Variants in GMDS observed in about 807,000 individuals in gnomAD.
GMDS encodes GDP-mannose 4,6 dehydratase.
A neutral mutation model predicts 49.9 loss-of-function variants in GMDS; 20 were observed. The observed-to-expected ratio is 0.40, with a 90% CI of 0.28 to 0.58. The LOEUF (loss-of-function observed/expected upper bound fraction) is 0.58. Ranked by LOEUF, GMDS falls within the 20% of genes least tolerant of loss-of-function variation. GMDS has a pLI of 0.42. For synonymous variants in GMDS, 177 were observed against 178.6 expected, an observed-to-expected ratio of 0.99 and a Z score of 0.07; for missense variants, 362 against 481.4, an observed-to-expected ratio of 0.75 and a Z score of 2.32.
chr6:1,734,900 T>C lies in GMDS; in HGVS notation c.890+7568A>G, dbSNP rs766777343. Among the ~76,000 whole-genome samples the C allele has an allele frequency of 1.7e-3, 263 of 152,262 alleles. 3 individuals carry two copies. Among genetic ancestry groups the C allele is most frequent in the Non-Finnish European group, 2.4e-3 (163 of 68,004 alleles). The stretch of plus-strand genomic sequence containing the variant: ...ACAAGAAGACAAGACCAGAGATGGC[T>C]CTCCTCGGCTGTGAAAATGACAGTG... On this transcript the variant is annotated intron_variant, in intron 8 of 10. Coordinates refer to ENST00000380815, the MANE Select transcript of GMDS (RefSeq NM_001500.4).
chr6:1,901,336 T>C (rs924168985), intron 7 of GMDS, among the ~76,000 whole-genome samples: 51 of 152,236 alleles, frequency 3.4e-4, no homozygotes, highest in Non-Finnish European at 7.3e-5. Context: ...AACGTGTTAC[T>C]ACTTGGGCTT....
chr6:1,694,864 A>T (rs10458052), intron 9 of GMDS, among the ~76,000 whole-genome samples: 31,553 of 152,180 alleles, frequency 0.21, 3,924 homozygotes, highest in Non-Finnish European at 0.28. Context: ...ACTTTTATAG[A>T]TTCCTACCTA....
At chr6:1,659,725 T>G (rs1764004638) in intron 9 of GMDS, among the ~76,000 whole-genome samples, 2 of 152,156 alleles carry the variant, frequency 1.3e-5, no homozygotes, top group Non-Finnish European at 2.9e-5. Flanking sequence ...ACCCTGACCA[T>G]GTATCATAAT....
intron 4 of GMDS, among the ~76,000 whole-genome samples, chr6:2,073,410 A>G (rs1360798285): frequency 6.6e-6 from 1 of 152,156 alleles, no homozygotes; most frequent in Admixed American, 6.5e-5. Context: ...AGCACATGTG[A>G]TATTTTGCTA....
At chr6:2,093,058 C>T (rs1383219148) in intron 4 of GMDS, among the ~76,000 whole-genome samples, 1 of 152,056 alleles carries the variant, frequency 6.6e-6, no homozygotes, top group African/African-American at 2.4e-5. Context: ...TTGACATATG[C>T]CAAAACTATA....
intron 1 of GMDS, among the ~76,000 whole-genome samples, chr6:2,219,661 C>G (rs1379507282): frequency 3.3e-5 from 5 of 152,066 alleles, no homozygotes; most frequent in Admixed American, 1.3e-4. Context: ...TGTCACAGAC[C>G]AGTAACAAAC....
chr6:1,816,718 G>C (rs890547979), intron 7 of GMDS, among the ~76,000 whole-genome samples: 4 of 152,104 alleles, frequency 2.6e-5, no homozygotes, highest in African/African-American at 9.7e-5. Context: ...AACATGTAAA[G>C]TTTAGTGTAT....
intron 4 of GMDS, among the ~76,000 whole-genome samples, chr6:1,964,714 G>A (rs1214746013): frequency 7.9e-5 from 12 of 152,030 alleles, no homozygotes; most frequent in Admixed American, 7.9e-4. Flanking sequence ...TAAGTTTTGG[G>A]GTACATGTGC....
At chr6:2,145,904 C>T (rs1213145068) in intron 1 of GMDS, among the ~76,000 whole-genome samples, 1 of 152,172 alleles carries the variant, frequency 6.6e-6, no homozygotes, top group Non-Finnish European at 1.5e-5. Flanking sequence ...TATGCAAATA[C>T]CACACCATCT....
At position 2,234,453 on chromosome 6, in the gene GMDS, C is replaced by A. The variant is rs1379837958; in HGVS notation, c.102+10868G>T. ...TGAAACCCCATCTCTACTAAAAATACAAAAAATTAGCTGGGCATGGTAGCG... is the reference window on the plus strand; with the variant it reads ...TGAAACCCCATCTCTACTAAAAATAAAAAAAATTAGCTGGGCATGGTAGCG... On this transcript the variant is annotated intron_variant, in intron 1 of 10. Coordinates refer to ENST00000380815, the MANE Select transcript of GMDS (RefSeq NM_001500.4). 2.0e-5 allele frequency among the ~76,000 whole-genome samples: 3 copies of A among 151,444 alleles called. No homozygotes were observed. The South Asian group carries it at 6.2e-4, about 32-fold the overall frequency.
rs190943615 is a variant in GMDS at position 1,813,636 on chromosome 6, G to A, written c.772-71050C>T. Among the ~76,000 whole-genome samples the A allele has an allele frequency of 1.6e-3, 238 of 152,294 alleles. 1 individual carries two copies. Among genetic ancestry groups the A allele is most frequent in the African/African-American group, 5.5e-3 (227 of 41,568 alleles). On this transcript the variant is annotated intron_variant, in intron 7 of 10. Transcript: ENST00000380815. ...GAGAGCTCCAGAGGTTTAAATAAGA[G>A]CATCTTTCCAAAGATTACAGCATCC...
At chr6:1,824,880 C>T (rs370713871) in intron 7 of GMDS, among the ~76,000 whole-genome samples, 8 of 152,216 alleles carry the variant, frequency 5.3e-5, no homozygotes, top group Admixed American at 2.0e-4. Context: ...TGGTACCATA[C>T]GTTTGTTGTT....
Position 2,167,885 on chromosome 6 carries a change from C to T in GMDS, c.103-43154G>A, listed in dbSNP as rs1415677520. Among the ~76,000 whole-genome samples, 7 of 152,180 alleles carry T rather than the reference C, an allele frequency of 4.6e-5. No homozygotes were observed. The South Asian group carries it at 1.5e-3, about 32-fold the overall frequency. ...CAACATTCCTCTTGTACCTTCAATG[C>T]CTAGTGAAACAACCGGATTCACACA... On this transcript the variant is annotated intron_variant, in intron 1 of 10. Coordinates refer to ENST00000380815, the MANE Select transcript of GMDS (RefSeq NM_001500.4).
At chr6:1,890,784 T>C (rs1759833283) in intron 7 of GMDS, among the ~76,000 whole-genome samples, 1 of 152,230 alleles carries the variant, frequency 6.6e-6, no homozygotes, top group Admixed American at 6.5e-5. Context: ...ACACTTCATA[T>C]GAATTACTTA....
At chr6:1,821,227 ACT>A (rs1260658138) in intron 7 of GMDS, among the ~76,000 whole-genome samples, 2 of 152,058 alleles carry the variant, frequency 1.3e-5, no homozygotes, top group East Asian at 3.9e-4. Context: ...AAATGGAAAA[ACT>A]CTCTTGCATT....
chr6:2,238,597 T>C (rs1404850861), intron 1 of GMDS, among the ~76,000 whole-genome samples: 1 of 152,198 alleles, frequency 6.6e-6, no homozygotes, highest in East Asian at 1.9e-4. Context: ...TCATAATAAA[T>C]AAGAACTATC....
At chr6:1,656,344 G>A (rs1763878551) in intron 9 of GMDS, among the ~76,000 whole-genome samples, 1 of 152,178 alleles carries the variant, frequency 6.6e-6, no homozygotes, top group Non-Finnish European at 1.5e-5. Flanking sequence ...TCACCAGACA[G>A]ATTTGCCATC....
intron 4 of GMDS, among the ~76,000 whole-genome samples, chr6:1,978,095 A>G (rs191940117): frequency 6.6e-6 from 1 of 152,282 alleles, no homozygotes; most frequent in East Asian, 1.9e-4. Context: ...GCCCACGGAG[A>G]GAGGGGCAGG....
intron 7 of GMDS, among the ~76,000 whole-genome samples, chr6:1,887,145 C>A (rs1759648027): frequency 6.6e-6 from 1 of 152,132 alleles, no homozygotes; most frequent in Admixed American, 6.6e-5. Context: ...TACCACTTAG[C>A]AGCTATATAT....
Sources: allele counts gnomAD v4.1 joint callset (sites outside exome capture counted in the v4.1 genomes callset), GRCh38; gene constraint gnomAD v4.1.1; transcripts MANE v1.5; gene names NCBI Gene and HGNC (gene_info 2026-07-23, HGNC 2026-07-21).